Variants in PGS1 observed in about 807,000 individuals in gnomAD.
PGS1 encodes the protein CDP-diacylglycerol--glycerol-3-phosphate 3-phosphatidyltransferase, mitochondrial.
PGS1 carries 44 observed loss-of-function variants against 58.3 expected under a neutral mutation model. The ratio of observed to expected loss-of-function variants is 0.75; its 90% CI spans 0.59 to 0.97. PGS1 has a LOEUF of 0.97. PGS1 is among the 50% of genes least tolerant of loss of function. PGS1 has a pLI of 0.00. For synonymous variants in PGS1, 330 were observed against 311.0 expected (o/e 1.06, Z -0.64); for missense variants, 684 against 731.1 (o/e 0.94, Z 0.74).
At chr17:78,403,471 G>A (rs938350) in intron 6 of PGS1, 97 bp from the exon 7 acceptor site, 765,900 of 1,263,102 alleles carry the variant, frequency 0.61, 233,608 homozygotes, top group Admixed American at 0.66. Flanking sequence ...CAGTTGTAGC[G>A]TCTGCACTTG....
intron 7 of PGS1, among the ~76,000 whole-genome samples, chr17:78,410,776 G>C (rs148758300): frequency 1.3e-5 from 2 of 152,176 alleles, no homozygotes; most frequent in Non-Finnish European, 2.9e-5. Context: ...CTGGCCGTCA[G>C]AGCTTTTTTT....
intron 9 of PGS1, among the ~76,000 whole-genome samples, chr17:78,423,144 G>A: frequency 6.6e-6 from 1 of 150,462 alleles, no homozygotes; most frequent in African/African-American, 2.4e-5. Flanking sequence ...TGGTCCCCCT[G>A]GGATCCGTCT....
chr17:78,379,169 G>A (rs2081852456), intron 1 of PGS1, among the ~76,000 whole-genome samples: 1 of 152,230 alleles, frequency 6.6e-6, no homozygotes, highest in Admixed American at 6.5e-5. Context: ...TCAAGCTCCA[G>A]AGGCTGTTTA....
chr17:78,381,806 A>C (rs572713795), intron 1 of PGS1, among the ~76,000 whole-genome samples: 4 of 152,300 alleles, frequency 2.6e-5, no homozygotes, highest in African/African-American at 9.6e-5. Flanking sequence ...ACTTAAAATT[A>C]CTTCTGTTAA....
intron 4 of PGS1, 95 bp downstream of exon 4, chr17:78,398,446 C>A: frequency 1.2e-6 from 1 of 830,734 alleles, no homozygotes; most frequent in Non-Finnish European, 2.0e-6. Context: ...CAGGCAGAGT[C>A]AAGGCTATTT....
intron 7 of PGS1, among the ~76,000 whole-genome samples, chr17:78,408,660 G>A (rs1473342950): frequency 3.9e-5 from 6 of 152,268 alleles, no homozygotes; most frequent in African/African-American, 1.2e-4. Context: ...GTTCTGTTGC[G>A]CTGATTCGGT....
chr17:78,422,904 T>C (rs1465679888), intron 9 of PGS1, among the ~76,000 whole-genome samples: 1 of 152,130 alleles, frequency 6.6e-6, no homozygotes, highest in East Asian at 1.9e-4. Flanking sequence ...GAGACCAGCC[T>C]GGCCAACATG....
intron 3 of PGS1, among the ~76,000 whole-genome samples, chr17:78,397,562 G>A (rs1047645629): frequency 6.7e-6 from 1 of 150,374 alleles, no homozygotes; most frequent in African/African-American, 2.4e-5. Context: ...TCAGCCTCCC[G>A]AGTAGTTGGG....
chr17:78,392,556 A>G lies in PGS1; in HGVS notation c.224A>G (p.Glu75Gly). The G allele has an allele frequency of 6.2e-7, 1 of 1,614,176 alleles. No individual in the cohort carries two copies. The highest frequency in any genetic ancestry group is 8.5e-7 in the Non-Finnish European group (1 of 1,179,998). ...VTSPPCCLCP[E>G]GVHRFQWIRN... ...TCCCCACCTTGCTGCCTGTGTCCAG[A>G]AGGCGTGCACCGGTTCCAGTGGATC... Residue 75 changes from glutamate (E) to glycine (G), a missense_variant, in exon 2 of 10, where the codon GAA (glutamate) becomes GGA (glycine). Coordinates refer to ENST00000262764, the MANE Select transcript of PGS1 (RefSeq NM_024419.5).
At chr17:78,403,448 T>C in intron 6 of PGS1, 120 bp from the exon 7 acceptor site, 1 of 1,079,864 alleles carries the variant, frequency 9.3e-7, no homozygotes, top group Admixed American at 2.1e-5. Flanking sequence ...TCAGCGAGTG[T>C]TCAGTGAACA....
intron 1 of PGS1, among the ~76,000 whole-genome samples, chr17:78,386,769 G>A (rs1224717766): frequency 6.6e-6 from 1 of 152,122 alleles, no homozygotes; most frequent in Non-Finnish European, 1.5e-5. Flanking sequence ...CTTTAGCATG[G>A]GGATAAACCT....
chr17:78,423,522 C>T (rs1045740674), intron 9 of PGS1, among the ~76,000 whole-genome samples: 6 of 152,164 alleles, frequency 3.9e-5, no homozygotes, highest in African/African-American at 1.4e-4. Context: ...GTGCCAAGCC[C>T]TCACCCCACA....
chr17:78,409,022 A>G (rs1296873585), intron 7 of PGS1, among the ~76,000 whole-genome samples: 2 of 152,224 alleles, frequency 1.3e-5, no homozygotes, highest in South Asian at 2.1e-4. Context: ...CTGGGTTGCC[A>G]GTAAGCTCGC....
chr17:78,392,055 T>G (rs1182496984), intron 1 of PGS1, among the ~76,000 whole-genome samples: 1 of 152,218 alleles, frequency 6.6e-6, no homozygotes, highest in Non-Finnish European at 1.5e-5. Flanking sequence ...CTTACCCTTC[T>G]GCTAGGTGTC....
intron 3 of PGS1, chr17:78,398,042 G>A: frequency 3.2e-6 from 2 of 631,788 alleles, no homozygotes; most frequent in Non-Finnish European, 5.9e-6. Flanking sequence ...TGGAGGCCTG[G>A]GCCGATCAGG....
intron 1 of PGS1, among the ~76,000 whole-genome samples, chr17:78,383,092 T>G (rs2146054744): frequency 6.6e-6 from 1 of 152,302 alleles, no homozygotes; most frequent in South Asian, 2.1e-4. Flanking sequence ...ATTTTTAAGT[T>G]TTAGCTATAC....
At chr17:78,395,372 C>T (rs905797965) in intron 2 of PGS1, among the ~76,000 whole-genome samples, 1 of 152,154 alleles carries the variant, frequency 6.6e-6, no homozygotes. Context: ...GTCCGGAAGC[C>T]TTTCCTAGTG....
In PGS1 at chr17:78,415,008, T is replaced by TGCA; in HGVS notation, c.1541_1543dup (p.Gln514dup). 1 of 1,613,128 alleles carries TGCA rather than the reference T, an allele frequency of 6.2e-7. No individual in the cohort carries two copies. ...GCGATCGTGACGGAGAACCAGGCCCTGCAGCAGCAGCTTCACCAGGTTGGT... is the reference window on the plus strand; with the variant it reads ...GCGATCGTGACGGAGAACCAGGCCCTGCAGCAGCAGCAGCTTCACCAGGTTGGT... On this transcript the variant is annotated inframe_insertion, in exon 8 of 10. Transcript: ENST00000262764.
chr17:78,413,531 G>GCTCACACCTGCTCCCCCTCC (rs1389032187), intron 7 of PGS1, among the ~76,000 whole-genome samples: 1 of 152,122 alleles, frequency 6.6e-6, no homozygotes, highest in African/African-American at 2.4e-5. Context: ...ACTCGCTCTT[G>GCTCACACCTGCTCCCCCTCC]CTCACACCTG....
Sources: allele counts gnomAD v4.1 joint callset (sites outside exome capture counted in the v4.1 genomes callset), GRCh38; gene constraint gnomAD v4.1.1; transcripts MANE v1.5; gene names NCBI Gene and HGNC (gene_info 2026-07-23, HGNC 2026-07-21).